Variants in LRRTM4 observed in about 807,000 individuals in gnomAD.
The protein encoded by LRRTM4 is leucine-rich repeat transmembrane neuronal protein 4.
In LRRTM4, 25 loss-of-function variants were observed where a neutral mutation model predicts 47.6. The ratio of observed to expected loss-of-function variants is 0.53; its 90% CI spans 0.38 to 0.73. The LOEUF is 0.73. Ranked by LOEUF, LRRTM4 falls within the 30% of genes least tolerant of loss-of-function variation. The pLI is 0.00. For synonymous variants in LRRTM4, 311 were observed against 269.5 expected, an observed-to-expected ratio of 1.15 and a Z score of -1.51; for missense variants, 638 against 713.4, an observed-to-expected ratio of 0.89 and a Z score of 1.20.
At chr2:76,768,773 C>G (rs1300331798) in intron 3 of LRRTM4, among the ~76,000 whole-genome samples, 1 of 152,122 alleles carries the variant, frequency 6.6e-6, no homozygotes, top group Non-Finnish European at 1.5e-5. Flanking sequence ...CAAAGATATT[C>G]TCACTAGGCA....
Position 76,775,213 on chromosome 2 carries a change from T to C in LRRTM4, c.1552-26297A>G, listed in dbSNP as rs1051270020. On this transcript the variant is annotated intron_variant, in intron 3 of 3. Coordinates refer to ENST00000409884, the MANE Select transcript of LRRTM4 (RefSeq NM_001134745.3). ...TTGGGCTTGATGGCTTTTGCAATTT[T>C]TTCTGTAAGTAGCATGACATTTTCA... Among the ~76,000 whole-genome samples the C allele has an allele frequency of 4.6e-5, 7 of 152,340 alleles. No homozygotes were observed. In the South Asian group the frequency reaches 6.2e-4, roughly 14 times the overall value.
Position 76,748,811 on chromosome 2 carries a change from C to A in LRRTM4, c.1657G>T (p.Val553Leu). The A allele has an allele frequency of 6.2e-7, 1 of 1,614,058 alleles. No individual in the cohort carries two copies. The highest frequency in any genetic ancestry group is 8.5e-7 in the Non-Finnish European group (1 of 1,179,910). ...PLHVTKGYETVSPEQDESPGL... is the reference protein window; with the variant it reads ...PLHVTKGYETLSPEQDESPGL... ...GGGCTTTCGTCCTGCTCTGGAGACA[C>A]TGTCTCATAGCCCTTGGTGACATGG... is the stretch of plus-strand genomic sequence containing the variant. The change falls in exon 4 of 4, where the codon GTG becomes TTG. Residue 553 changes from valine (V) to leucine (L), a missense_variant. By Grantham distance (32) the Val-to-Leu change is conservative. Coordinates refer to ENST00000409884, the MANE Select transcript of LRRTM4 (RefSeq NM_001134745.3).
chr2:76,748,726 G>A lies in LRRTM4; in HGVS notation c.1742C>T (p.Pro581Leu), dbSNP rs1316074666. 3.7e-6 allele frequency: 6 copies of A among 1,612,678 alleles called. No homozygotes were observed. The highest frequency in any genetic ancestry group is 5.1e-6 in the Non-Finnish European group (6 of 1,179,284). The stretch of plus-strand genomic sequence containing the variant: ...TGCAATTCTCTCTAGGTAGATGGCC[G>A]GTGCTGCCGACCTGGCGATGGTGGC... ...FIATIARSAA[P>L]AIYLERIAN Residue 581 changes from proline (P) to leucine (L), a missense_variant, in exon 4 of 4, where the codon CCG becomes CTG. By Grantham distance (98) the Pro-to-Leu change is moderately conservative. Transcript: ENST00000409884.
At chr2:76,800,504 A>G (rs1675607898) in intron 3 of LRRTM4, among the ~76,000 whole-genome samples, 2 of 146,702 alleles carry the variant, frequency 1.4e-5, no homozygotes. Context: ...AAAACCCTAG[A>G]AGAAAACCTA....
At chr2:77,504,437 A>T (rs1038828267) in intron 3 of LRRTM4, among the ~76,000 whole-genome samples, 5 of 151,686 alleles carry the variant, frequency 3.3e-5, no homozygotes, top group African/African-American at 1.2e-4. Context: ...ATGAGGTAAA[A>T]TTACTTAATG....
chr2:76,957,256 A>AT (rs1675704919), intron 3 of LRRTM4, among the ~76,000 whole-genome samples: 1 of 151,674 alleles, frequency 6.6e-6, no homozygotes, highest in African/African-American at 2.4e-5. Flanking sequence ...AGGGTCTGAA[A>AT]CAGGGCAAAA....
rs1000677434 is a variant in LRRTM4 at position 77,277,043 on chromosome 2, C to T, written c.1551+241275G>A. On this transcript the variant is annotated intron_variant, in intron 3 of 3. Coordinates refer to ENST00000409884, the MANE Select transcript of LRRTM4 (RefSeq NM_001134745.3). The stretch of plus-strand genomic sequence containing the variant: ...TCGCCTATGTTCAGTCTTTAAAAAA[C>T]ACTAGGTAAGGTCAGTGACTTACAA... Among the ~76,000 whole-genome samples, 4 of 151,936 alleles carry T rather than the reference C, an allele frequency of 2.6e-5. No individual in the cohort carries two copies. In the East Asian group the frequency reaches 7.8e-4, roughly 30 times the overall value.
intron 3 of LRRTM4, among the ~76,000 whole-genome samples, chr2:76,790,227 T>TAATAATGAGACAGTC (rs534213428): frequency 1.1e-3 from 169 of 152,280 alleles, no homozygotes; most frequent in Non-Finnish European, 2.0e-3. Context: ...AAGTTCAAAC[T>TAATAATGAGACAGTC]AATAATGAGA....
In LRRTM4 at chr2:77,094,000, C is replaced by T. The variant is rs530287158; in HGVS notation, c.1552-345084G>A. Reference sequence around the variant, plus strand: ...CCAAATCCTATAAAACTGCCCCACCCCTATCTCCCTTCGCTGACTCTTTTC... The same window carrying T: ...CCAAATCCTATAAAACTGCCCCACCTCTATCTCCCTTCGCTGACTCTTTTC... On this transcript the variant is annotated intron_variant, in intron 3 of 3. Coordinates refer to ENST00000409884, the MANE Select transcript of LRRTM4 (RefSeq NM_001134745.3). Among the ~76,000 whole-genome samples, 251 of 132,668 alleles carry T rather than the reference C, an allele frequency of 1.9e-3. 2 individuals are homozygous for T. Among genetic ancestry groups the T allele is most frequent in the Middle Eastern group, 0.011 (3 of 268 alleles). 87.0% of individuals were successfully genotyped at this position (132,668 alleles called of 152,430 possible).
At position 76,969,675 on chromosome 2, in the gene LRRTM4, A is replaced by G. The variant is rs547705712; in HGVS notation, c.1552-220759T>C. On this transcript the variant is annotated intron_variant, in intron 3 of 3. Transcript: ENST00000409884. ...AATAATACATTTACCAGTAATTACA[A>G]TGATGGTGATTATGATGACGATGAT... Among the ~76,000 whole-genome samples the G allele has an allele frequency of 9.9e-5, 15 of 152,102 alleles. No individual in the cohort carries two copies. The South Asian group carries it at 2.7e-3, about 27-fold the overall frequency.
Position 76,748,480 on chromosome 2 carries a change from A to G in LRRTM4, c.*215T>C. On this transcript the variant is annotated 3_prime_UTR_variant, in exon 4 of 4. Transcript: ENST00000409884. ...TTTGTTTGTTTTATGTTTTAAAGCA[A>G]AGAAAGTTCTGCAGTCCTCCCGGTA... 1 of 571,844 alleles carries G rather than the reference A, an allele frequency of 1.7e-6. No homozygotes were observed. The highest frequency in any genetic ancestry group is 2.9e-5 in the East Asian group (1 of 34,620). The allele number at this position is 571,844 out of a possible 1,614,324, so 35.4% of individuals were successfully genotyped here. A position where few individuals can be genotyped will look rare whatever the true frequency, so the allele number is the denominator to read the frequency against.
intron 3 of LRRTM4, among the ~76,000 whole-genome samples, chr2:77,299,835 T>A (rs1237472539): frequency 2.0e-5 from 3 of 150,624 alleles, no homozygotes; most frequent in Non-Finnish European, 4.4e-5. Flanking sequence ...GAGGACATGA[T>A]GTAAGGTAAT....
intron 3 of LRRTM4, among the ~76,000 whole-genome samples, chr2:76,807,472 A>ATATATATATATACG (rs1558667689): frequency 1.5e-5 from 1 of 67,670 alleles, no homozygotes; most frequent in Non-Finnish European, 2.3e-5. Context: ...ATATATATAC[A>ATATATATATATACG]TATATATATA....
At chr2:77,099,630 T>TGTTA (rs1670899785) in intron 3 of LRRTM4, among the ~76,000 whole-genome samples, 3 of 151,496 alleles carry the variant, frequency 2.0e-5, no homozygotes, top group East Asian at 3.9e-4. Flanking sequence ...AGATGAATGT[T>TGTTA]ATTTATCGTT....
rs1035884009 is a variant in LRRTM4 at position 76,812,711 on chromosome 2, T to C, written c.1552-63795A>G. On this transcript the variant is annotated intron_variant, in intron 3 of 3. Coordinates refer to ENST00000409884, the MANE Select transcript of LRRTM4 (RefSeq NM_001134745.3). ...TCTTTCTTTCTTTTCTTTCTTTATT[T>C]CTTTTTCTTTCTCTTTTTCTCCTCC... Among the ~76,000 whole-genome samples, 4 of 150,782 alleles carry C rather than the reference T, an allele frequency of 2.7e-5. 1 individual carries two copies. Among genetic ancestry groups the C allele is most frequent in the African/African-American group, 9.8e-5 (4 of 40,906 alleles).
chr2:76,768,712 C>A (rs955574557), intron 3 of LRRTM4, among the ~76,000 whole-genome samples: 1 of 151,710 alleles, frequency 6.6e-6, no homozygotes, highest in Non-Finnish European at 1.5e-5. Flanking sequence ...ATAAAAAATC[C>A]CTTATTATTT....
rs80140114 is a variant in LRRTM4, at chr2:76,995,249, T to C, written c.1552-246333A>G. On this transcript the variant is annotated intron_variant, in intron 3 of 3. Coordinates refer to ENST00000409884, the MANE Select transcript of LRRTM4 (RefSeq NM_001134745.3). ...ATTAAGTTTACACATATTTTAAAAGTAGCATATTCAAGAGCAATTATTGAA... is the reference window on the plus strand; with the variant it reads ...ATTAAGTTTACACATATTTTAAAAGCAGCATATTCAAGAGCAATTATTGAA... Among the ~76,000 whole-genome samples, 801 of 152,180 alleles carry C rather than the reference T, an allele frequency of 5.3e-3. 7 individuals carry two copies. The highest frequency in any genetic ancestry group is 0.018 in the African/African-American group (766 of 41,566).
chr2:77,203,621 G>T (rs1221296703), intron 3 of LRRTM4, among the ~76,000 whole-genome samples: 1 of 152,140 alleles, frequency 6.6e-6, no homozygotes, highest in African/African-American at 2.4e-5. Context: ...CAGAATGTGG[G>T]TTTAGCAAAT....
chr2:76,870,630 A>G (rs1167423221), intron 3 of LRRTM4, among the ~76,000 whole-genome samples: 1 of 152,110 alleles, frequency 6.6e-6, no homozygotes, highest in Non-Finnish European at 1.5e-5. Context: ...ATATCTCTAC[A>G]GCTTTCATTT....
Sources: allele counts gnomAD v4.1 joint callset (sites outside exome capture counted in the v4.1 genomes callset), GRCh38; gene constraint gnomAD v4.1.1; transcripts MANE v1.5; gene names NCBI Gene and HGNC (gene_info 2026-07-23, HGNC 2026-07-21).